Variants in NLGN1 observed in about 807,000 individuals in gnomAD.
The protein encoded by NLGN1 is neuroligin-1.
A neutral mutation model predicts 65.5 loss-of-function variants in NLGN1; 12 were observed. The observed-to-expected ratio is 0.18, with a 90% CI of 0.12 to 0.30. The LOEUF (loss-of-function observed/expected upper bound fraction) is 0.30. NLGN1 is among the 10% of genes least tolerant of loss of function. The pLI, the probability that NLGN1 is intolerant of heterozygous loss-of-function variation, is 1.00. For synonymous variants in NLGN1, 350 were observed against 359.5 expected, an observed-to-expected ratio of 0.97 and a Z score of 0.30; for missense variants, 750 against 1,007.1, an observed-to-expected ratio of 0.74 and a Z score of 3.46.
At chr3:173,694,680 T>G (rs1385326274) in intron 3 of NLGN1, among the ~76,000 whole-genome samples, 5 of 152,220 alleles carry the variant, frequency 3.3e-5, no homozygotes, top group African/African-American at 7.2e-5. Context: ...ACCTGGTAGA[T>G]TCCAGCCTTC....
At chr3:174,027,133 C>G (rs977577082) in intron 4 of NLGN1, among the ~76,000 whole-genome samples, 4 of 151,556 alleles carry the variant, frequency 2.6e-5, no homozygotes, top group South Asian at 2.1e-4. Flanking sequence ...CTTCACCAAG[C>G]CTTTAAAGCA....
intron 3 of NLGN1, among the ~76,000 whole-genome samples, chr3:173,739,899 G>A (rs113843632): frequency 0.018 from 2,781 of 152,196 alleles, 95 homozygotes; most frequent in African/African-American, 0.064. Flanking sequence ...TTCATTCTGA[G>A]TTGATGGACT....
chr3:174,222,166 G>A lies in NLGN1; in HGVS notation c.647-53149G>A, dbSNP rs940189102. Among the ~76,000 whole-genome samples the A allele has an allele frequency of 9.9e-5, 15 of 152,002 alleles. 1 individual carries two copies. The highest frequency in any genetic ancestry group is 2.9e-4 in the African/African-American group (12 of 41,384). On this transcript the variant is annotated intron_variant, in intron 4 of 6. Transcript: ENST00000457714. ...CATTCAAATAACTTAAATCATGAGTGTTTCTATTAATGAGTTATTGCGTGT... is the reference window on the plus strand; with the variant it reads ...CATTCAAATAACTTAAATCATGAGTATTTCTATTAATGAGTTATTGCGTGT...
At chr3:174,269,247 T>C (rs1323147775) in intron 4 of NLGN1, among the ~76,000 whole-genome samples, 1 of 152,018 alleles carries the variant, frequency 6.6e-6, no homozygotes, top group Non-Finnish European at 1.5e-5. Context: ...TATTAATATA[T>C]TAAGTATATT....
intron 4 of NLGN1, among the ~76,000 whole-genome samples, chr3:174,265,072 G>T (rs1206129888): frequency 6.6e-6 from 1 of 151,992 alleles, no homozygotes; most frequent in Non-Finnish European, 1.5e-5. Flanking sequence ...GAGAACCACT[G>T]CTCTCTTCAA....
At chr3:173,945,249 C>G (rs1312401110) in intron 4 of NLGN1, among the ~76,000 whole-genome samples, 1 of 151,982 alleles carries the variant, frequency 6.6e-6, no homozygotes, top group Non-Finnish European at 1.5e-5. Flanking sequence ...ACCAAAAACT[C>G]TGCTCTCTGG....
intron 4 of NLGN1, among the ~76,000 whole-genome samples, chr3:173,837,780 A>G (rs1004513136): frequency 2.0e-5 from 3 of 152,230 alleles, no homozygotes; most frequent in African/African-American, 7.2e-5. Context: ...ATGAGAATAT[A>G]AAAGAATAAC....
intron 4 of NLGN1, among the ~76,000 whole-genome samples, chr3:173,939,144 C>G (rs1269013469): frequency 6.6e-6 from 1 of 152,146 alleles, no homozygotes; most frequent in African/African-American, 2.4e-5. Flanking sequence ...AATTAATGTA[C>G]GTAGTTTTCG....
chr3:173,823,227 T>C (rs535060288), intron 4 of NLGN1, among the ~76,000 whole-genome samples: 1 of 152,220 alleles, frequency 6.6e-6, no homozygotes, highest in Non-Finnish European at 1.5e-5. Flanking sequence ...TATATAAATC[T>C]CTCTATCCAC....
intron 4 of NLGN1, among the ~76,000 whole-genome samples, chr3:173,889,755 G>A (rs143048330): frequency 1.0e-3 from 154 of 151,882 alleles, no homozygotes; most frequent in African/African-American, 3.4e-3. Context: ...AGTTGTACCG[G>A]TTGAGAAAGC....
At chr3:174,187,857 T>C (rs896314567) in intron 4 of NLGN1, among the ~76,000 whole-genome samples, 1 of 151,934 alleles carries the variant, frequency 6.6e-6, no homozygotes, top group Non-Finnish European at 1.5e-5. Flanking sequence ...GAAGTAATAT[T>C]GTGGGTTTGT....
chr3:174,285,448 C>T (rs929706331), exon 7 of NLGN1: 1 of 151,426 alleles, frequency 6.6e-6, no homozygotes, highest in South Asian at 2.1e-4. Context: ...ATTTGATTAT[C>T]TTGTCAAGCT....
chr3:173,967,345 G>A (rs147111324), intron 4 of NLGN1, among the ~76,000 whole-genome samples: 1 of 152,222 alleles, frequency 6.6e-6, no homozygotes, highest in Non-Finnish European at 1.5e-5. Context: ...GCAAACTCTA[G>A]GACTCTTGCT....
rs370668601 is a variant in NLGN1, at chr3:173,994,414, C to G, written c.646+186582C>G. Among the ~76,000 whole-genome samples, 201 of 124,986 alleles carry G rather than the reference C, an allele frequency of 1.6e-3. 2 individuals are homozygous for G. Among genetic ancestry groups the G allele is most frequent in the African/African-American group, 5.9e-3 (189 of 32,136 alleles). 82.0% of individuals were successfully genotyped at this position (124,986 alleles called of 152,430 possible). A position where few individuals can be genotyped will look rare whatever the true frequency, so the allele number is the denominator to read the frequency against. The stretch of plus-strand genomic sequence containing the variant: ...CCAGCAAGTACTGGTGGATAATTCT[C>G]AGTGAGATTTTCTTTTGTATGAAAA... On this transcript the variant is annotated intron_variant, in intron 4 of 6. Transcript: ENST00000457714.
intron 3 of NLGN1, among the ~76,000 whole-genome samples, chr3:173,683,559 C>T (rs181028538): frequency 2.0e-5 from 3 of 152,054 alleles, no homozygotes; most frequent in Non-Finnish European, 4.4e-5. Flanking sequence ...GGTTTTTTTA[C>T]CCTCTTTCTC....
At chr3:173,575,339 T>G (rs1345058697) in intron 2 of NLGN1, among the ~76,000 whole-genome samples, 2 of 152,234 alleles carry the variant, frequency 1.3e-5, no homozygotes, top group Non-Finnish European at 2.9e-5. Context: ...CCAGGACAGT[T>G]AATTTTCATG....
intron 4 of NLGN1, among the ~76,000 whole-genome samples, chr3:173,828,694 G>A (rs1721852975): frequency 6.6e-6 from 1 of 152,144 alleles, no homozygotes; most frequent in Admixed American, 6.6e-5. Flanking sequence ...TAGTAGGGTA[G>A]CCAGAGAAGG....
At chr3:173,553,872 T>C (rs1479356516) in intron 2 of NLGN1, among the ~76,000 whole-genome samples, 1 of 152,198 alleles carries the variant, frequency 6.6e-6, no homozygotes, top group Non-Finnish European at 1.5e-5. Context: ...CTGGCTGATA[T>C]GCAGGGCACT....
chr3:173,473,736 A>C (rs1725711635), intron 2 of NLGN1, among the ~76,000 whole-genome samples: 1 of 152,222 alleles, frequency 6.6e-6, no homozygotes, highest in Non-Finnish European at 1.5e-5. Context: ...TGTATTTTAA[A>C]GTGTGCATTT....
Sources: gnomAD v4.1 joint callset for allele counts (sites outside exome capture counted in the v4.1 genomes callset) on GRCh38, gnomAD v4.1.1 for gene constraint, MANE v1.5 for transcripts, NCBI Gene and HGNC (gene_info 2026-07-23, HGNC 2026-07-21) for gene names.